The following AOX1 variants were observed in gnomAD, a reference collection of about 807,000 sequenced individuals.
AOX1 encodes the protein aldehyde oxidase 1, also known as aldehyde oxidase.
In AOX1, 153 loss-of-function variants were observed where a neutral mutation model predicts 169.5. That is an observed-to-expected ratio of 0.90 (90% confidence interval 0.79 to 1.03). The LOEUF (loss-of-function observed/expected upper bound fraction) is 1.03. Ranked by LOEUF, AOX1 falls within the 50% of genes least tolerant of loss-of-function variation. The pLI, the probability that AOX1 is intolerant of heterozygous loss-of-function variation, is 0.00. For synonymous variants in AOX1, 562 were observed against 581.9 expected, an observed-to-expected ratio of 0.97 and a Z score of 0.49; for missense variants, 1,656 against 1,663.9, an observed-to-expected ratio of 1.00 and a Z score of 0.08.
chr2:200,626,815 A>G (rs966948168), intron 19 of AOX1, among the ~76,000 whole-genome samples: 1 of 152,214 alleles, frequency 6.6e-6, no homozygotes, highest in Non-Finnish European at 1.5e-5. Context: ...AGTGTTTACT[A>G]TATGCAATAT....
chr2:200,611,540 T>G (rs1474297794), intron 13 of AOX1, 47 bp downstream of exon 13: 1 of 1,229,616 alleles, frequency 8.1e-7, no homozygotes, highest in Middle Eastern at 1.9e-4. Flanking sequence ...TGTGATGCTA[T>G]GGCTTGTTTA....
chr2:200,634,740 A>C, intron 20 of AOX1, 51 bp from the exon 21 acceptor site: 1 of 1,609,148 alleles, frequency 6.2e-7, no homozygotes, highest in Non-Finnish European at 8.5e-7. Flanking sequence ...GGGGGACGCT[A>C]CCTGTTGCTT....
At chr2:200,679,114 C>T (rs2036133024), downstream of AOX1, among the ~76,000 whole-genome samples, 1 of 152,168 alleles carries the variant, frequency 6.6e-6, no homozygotes, top group South Asian at 2.1e-4. Flanking sequence ...GTAGTAGACT[C>T]TTTATTTTTA....
intron 1 of AOX1, among the ~76,000 whole-genome samples, chr2:200,589,219 G>A (rs1021898766): frequency 3.3e-5 from 5 of 152,172 alleles, no homozygotes; most frequent in Non-Finnish European, 5.9e-5. Flanking sequence ...GACAGCGCAC[G>A]TTGGCCAGGG....
chr2:200,677,178 A>G (rs2036111137), downstream of AOX1: 2 of 304,860 alleles, frequency 6.6e-6, no homozygotes, highest in South Asian at 5.3e-5. Flanking sequence ...AACAATCTGT[A>G]TCTGTAGTCC....
At chr2:200,680,183 A>G (rs1213333224), downstream of AOX1, among the ~76,000 whole-genome samples, 2 of 152,216 alleles carry the variant, frequency 1.3e-5, no homozygotes, top group Non-Finnish European at 2.9e-5. Context: ...TCTAGCCAGA[A>G]AGAATAGTTT....
chr2:200,643,423 A>ATACC (rs2035395546), intron 25 of AOX1, among the ~76,000 whole-genome samples: 4 of 151,896 alleles, frequency 2.6e-5, no homozygotes, highest in Admixed American at 2.6e-4. Context: ...ACATACATAC[A>ATACC]TACACACACC....
intron 14 of AOX1, among the ~76,000 whole-genome samples, chr2:200,613,027 T>TGAGAGA (rs71022328): frequency 0.033 from 4,779 of 146,110 alleles, 96 homozygotes; most frequent in Non-Finnish European, 0.045. Context: ...TGTGTGTGTG[T>TGAGAGA]GAGAGAGAGA....
intron 12 of AOX1, among the ~76,000 whole-genome samples, chr2:200,610,417 T>C (rs903752981): frequency 1.2e-4 from 18 of 152,338 alleles, no homozygotes; most frequent in African/African-American, 4.3e-4. Context: ...GGTTTTCAAT[T>C]TGAGTAACAT....
intron 19 of AOX1, among the ~76,000 whole-genome samples, chr2:200,626,291 T>C (rs1036961620): frequency 1.3e-5 from 2 of 152,298 alleles, no homozygotes; most frequent in African/African-American, 4.8e-5. Flanking sequence ...AACCCAGTTT[T>C]TGAATGGGGG....
At chr2:200,676,841 C>T (rs2036107158) in intron 4 of AOX1, 1 of 456,426 alleles carries the variant, frequency 2.2e-6, no homozygotes, top group Non-Finnish European at 4.5e-6. Context: ...ACAAATGGCC[C>T]CGGAAGCTGC....
At chr2:200,625,113 C>T (rs6720189) in intron 19 of AOX1, among the ~76,000 whole-genome samples, 86,089 of 151,896 alleles carry the variant, frequency 0.57, 24,908 homozygotes, top group African/African-American at 0.67. Context: ...TAGACAAAAA[C>T]GTAGAAGTCT....
At chr2:200,669,882 G>A in intron 34 of AOX1, 140 bp downstream of exon 34, 1 of 847,092 alleles carries the variant, frequency 1.2e-6, no homozygotes, top group Non-Finnish European at 1.8e-6. Context: ...GGGCATTTGA[G>A]CAGATGTGCA....
chr2:200,659,078 G>A, intron 27 of AOX1, 87 bp from the exon 28 acceptor site: 1 of 1,281,872 alleles, frequency 7.8e-7, no homozygotes, highest in Non-Finnish European at 1.1e-6. Flanking sequence ...GGGTATGAGG[G>A]TATCACACAT....
chr2:200,607,487 G>A (rs2034539527), intron 10 of AOX1, among the ~76,000 whole-genome samples: 1 of 152,192 alleles, frequency 6.6e-6, no homozygotes, highest in Non-Finnish European at 1.5e-5. Flanking sequence ...GCAAGGCTGT[G>A]GAGAAATAGT....
intron 33 of AOX1, among the ~76,000 whole-genome samples, chr2:200,669,213 G>A (rs1239591487): frequency 6.6e-6 from 1 of 152,196 alleles, no homozygotes; most frequent in South Asian, 2.1e-4. Flanking sequence ...GGAGGCCAAG[G>A]CGGGCAGATC....
rs144891815 is a variant in AOX1 at position 200,612,602 on chromosome 2, C to A, written c.1264-7C>A. The A allele has an allele frequency of 1.2e-6, 2 of 1,612,588 alleles. No individual in the cohort carries two copies. The highest frequency in any genetic ancestry group is 1.7e-6 in the Non-Finnish European group (2 of 1,179,498). On this transcript the variant is annotated splice_polypyrimidine_tract_variant and splice_region_variant and intron_variant, in intron 13 of 34. Transcript: ENST00000374700. ...TTCTACATGTGCCACTTAACTGTTT[C>A]TTTCAGTGGGAATTTGTGTCAGCCT...
rs1360403490 is a variant in AOX1, at chr2:200,650,968, T to C, written c.2848-6T>C. ...CTCCCAGCTTTAATCTCCTTTTCTT[T>C]CATAGGTGCGAATCATAAACATGTA... On this transcript the variant is annotated splice_region_variant and splice_polypyrimidine_tract_variant and intron_variant, in intron 25 of 34. Transcript: ENST00000374700. 5 of 1,613,732 alleles carry C rather than the reference T, an allele frequency of 3.1e-6. No individual in the cohort carries two copies. The Admixed American group carries it at 8.3e-5, about 27-fold the overall frequency.
intron 21 of AOX1, among the ~76,000 whole-genome samples, chr2:200,635,213 A>G (rs1043090084): frequency 3.3e-5 from 5 of 152,190 alleles, no homozygotes; most frequent in African/African-American, 7.2e-5. Context: ...TAATAGCCAT[A>G]TAAGTTCAGT....
Sources: gnomAD v4.1 joint callset for allele counts (sites outside exome capture counted in the v4.1 genomes callset) on GRCh38, gnomAD v4.1.1 for gene constraint, MANE v1.5 for transcripts, NCBI Gene and HGNC (gene_info 2026-07-23, HGNC 2026-07-21) for gene names.